Variants in CADPS observed in about 807,000 individuals in gnomAD.
CADPS encodes the protein calcium-dependent secretion activator 1.
In CADPS, 57 loss-of-function variants were observed where a neutral mutation model predicts 167.3. The ratio of observed to expected loss-of-function variants is 0.34; its 90% CI spans 0.28 to 0.42. The LOEUF (loss-of-function observed/expected upper bound fraction) is 0.42. Among genes scored for constraint, CADPS ranks in the 20% least tolerant of loss-of-function variants. The probability of loss-of-function intolerance (pLI) is 1.00; values close to 1 mark genes in which losing one functional copy is unlikely to be tolerated. For missense variants in CADPS, 1,414 were observed against 1,738.1 expected, an observed-to-expected ratio of 0.81 and a Z score of 3.32; for synonymous variants, 676 against 635.3, an observed-to-expected ratio of 1.06 and a Z score of -0.96.
In CADPS at chr3:62,650,849, C is replaced by A; in HGVS notation, c.1201G>T (p.Glu401Ter). ...TTCAAGGGCTCAGGGCTTTTTACCT[C>A]CAATGAGAAAGACAGCACGACATCT... is the stretch of plus-strand genomic sequence containing the variant. The part of the protein sequence containing the change: ...KSDVVLSFSL[E>*]VVIMEVQGLK... Residue 401 changes from glutamate to a stop codon, truncating the protein, a stop_gained and splice_region_variant, in exon 5 of 30, where the codon GAG becomes TAG. Transcript: ENST00000383710. LOFTEE classifies it high-confidence loss of function. The A allele has an allele frequency of 6.2e-7, 1 of 1,613,266 alleles. No homozygotes were observed. The highest frequency in any genetic ancestry group is 8.5e-7 in the Non-Finnish European group (1 of 1,179,404).
At chr3:62,474,722 G>T (rs2061052770) in intron 23 of CADPS, among the ~76,000 whole-genome samples, 2 of 152,116 alleles carry the variant, frequency 1.3e-5, no homozygotes, top group South Asian at 4.1e-4. Context: ...AAAAACCAAA[G>T]CAGTTTTTAA....
intron 1 of CADPS, among the ~76,000 whole-genome samples, chr3:62,805,134 C>A (rs1559706105): frequency 6.6e-6 from 1 of 152,070 alleles, no homozygotes; most frequent in Non-Finnish European, 1.5e-5. Flanking sequence ...CTATAGCACT[C>A]CCCAGTTGTT....
chr3:62,489,974 G>A (rs1340769804), intron 21 of CADPS, among the ~76,000 whole-genome samples: 3 of 152,136 alleles, frequency 2.0e-5, no homozygotes, highest in Non-Finnish European at 2.9e-5. Context: ...AAATTTCTTG[G>A]TATTTGCAAA....
At chr3:62,620,802 C>T (rs1858384) in intron 6 of CADPS, among the ~76,000 whole-genome samples, 3,387 of 152,272 alleles carry the variant, frequency 0.022, 134 homozygotes, top group African/African-American at 0.078. Context: ...CCTCCACCAC[C>T]TGTGACAGCC....
At chr3:62,568,812 A>G (rs2080771756) in intron 9 of CADPS, among the ~76,000 whole-genome samples, 1 of 152,224 alleles carries the variant, frequency 6.6e-6, no homozygotes, top group Non-Finnish European at 1.5e-5. Context: ...CCTGTTCTTA[A>G]CATGGATGGG....
At chr3:62,581,907 G>T (rs149182753) in intron 8 of CADPS, among the ~76,000 whole-genome samples, 2,829 of 152,144 alleles carry the variant, frequency 0.019, 55 homozygotes, top group Non-Finnish European at 0.024. Context: ...AAATTAGAAA[G>T]GCATCTAGGA....
intron 13 of CADPS, among the ~76,000 whole-genome samples, chr3:62,523,211 A>G (rs1359952896): frequency 6.6e-6 from 1 of 152,068 alleles, no homozygotes; most frequent in African/African-American, 2.4e-5. Context: ...TCAAATTGAA[A>G]CTACCATAAC....
At chr3:62,841,843 A>G (rs993376115) in intron 1 of CADPS, among the ~76,000 whole-genome samples, 2 of 152,188 alleles carry the variant, frequency 1.3e-5, no homozygotes, top group Non-Finnish European at 1.5e-5. Context: ...AAATTTGTCA[A>G]TATATTATTT....
Position 62,412,793 on chromosome 3 carries a change from G to A in CADPS, c.3778-9608C>T, listed in dbSNP as rs774309637. ...TTCTAAAAGCAAATCAAGCAGGGGA[G>A]TTTAATCCAAAGCTTAGCTTATATG... On this transcript the variant is annotated intron_variant, in intron 28 of 29. Transcript: ENST00000383710. The surrounding 1 kb of genome is among the most constrained non-coding windows in gnomAD (Gnocchi z 4.1). Among the ~76,000 whole-genome samples the A allele has an allele frequency of 6.6e-6, 1 of 152,152 alleles. No individual in the cohort carries two copies. Among genetic ancestry groups the A allele is most frequent in the Non-Finnish European group, 1.5e-5 (1 of 68,014 alleles).
At chr3:62,408,178 T>G (rs534723210) in intron 28 of CADPS, among the ~76,000 whole-genome samples, 9 of 152,314 alleles carry the variant, frequency 5.9e-5, no homozygotes, top group Admixed American at 5.2e-4. Context: ...GAGAAATCCT[T>G]AAACATAAAA....
chr3:62,850,252 G>GT (rs1429400744), intron 1 of CADPS, among the ~76,000 whole-genome samples: 10 of 131,882 alleles, frequency 7.6e-5, no homozygotes, highest in Non-Finnish European at 1.5e-4. Flanking sequence ...TTTTTGAAGG[G>GT]TTTTTTGTGT....
chr3:62,572,803 T>C (rs1426518198), intron 8 of CADPS, among the ~76,000 whole-genome samples: 1 of 152,162 alleles, frequency 6.6e-6, no homozygotes, highest in Non-Finnish European at 1.5e-5. Context: ...GACATCAAAA[T>C]CCACAGACAC....
At chr3:62,589,506 G>T (rs1347923010) in intron 7 of CADPS, among the ~76,000 whole-genome samples, 1 of 152,212 alleles carries the variant, frequency 6.6e-6, no homozygotes, top group Non-Finnish European at 1.5e-5. Flanking sequence ...TTTTGTGTAG[G>T]GACAACACAG....
At chr3:62,832,933 A>C (rs1230001741) in intron 1 of CADPS, among the ~76,000 whole-genome samples, 2 of 152,188 alleles carry the variant, frequency 1.3e-5, no homozygotes, top group Non-Finnish European at 2.9e-5. Context: ...ACTCCTTTAG[A>C]AAACAACAAC....
chr3:62,570,826 C>T lies in CADPS; in HGVS notation c.1644+46G>A, dbSNP rs749383099. 2.4e-6 allele frequency: 3 copies of T among 1,268,142 alleles called. No individual in the cohort carries two copies. In the South Asian group the frequency reaches 3.6e-5, roughly 15 times the overall value. The allele number at this position is 1,268,142 out of a possible 1,614,324, so 78.6% of individuals were successfully genotyped here. A position where few individuals can be genotyped will look rare whatever the true frequency, so the allele number is the denominator to read the frequency against. On this transcript the variant is annotated intron_variant, in intron 9 of 29. Transcript: ENST00000383710. ...GTTAAAAAGCATTCATTCATTCTAG[C>T]AAATCTTTAATACTGATGTCTCTTA...
chr3:62,819,218 TCCC>T (rs1245937227), intron 1 of CADPS, among the ~76,000 whole-genome samples: 2 of 152,110 alleles, frequency 1.3e-5, no homozygotes, highest in Non-Finnish European at 2.9e-5. Context: ...TGAAAAAATG[TCCC>T]CAAGCATAGT....
chr3:62,664,972 A>G (rs146510821), intron 3 of CADPS, among the ~76,000 whole-genome samples: 242 of 152,300 alleles, frequency 1.6e-3, no homozygotes, highest in African/African-American at 5.5e-3. Context: ...GAATATCTTG[A>G]TATGTCAAGA....
intron 8 of CADPS, among the ~76,000 whole-genome samples, chr3:62,574,502 CT>C (rs1488683678): frequency 3.9e-5 from 6 of 152,146 alleles, no homozygotes; most frequent in African/African-American, 1.4e-4. Context: ...GTTTATCAAC[CT>C]TGTGCTGCTG....
Position 62,426,598 on chromosome 3 carries a change from T to C in CADPS, c.3777+11506A>G, listed in dbSNP as rs186538728. On this transcript the variant is annotated intron_variant, in intron 28 of 29. Transcript: ENST00000383710. ...CCTCCTAATTCAAAAAGCTACCTAC[T>C]GTTTTTATCCACTTTTTTTACAGAA... is the stretch of plus-strand genomic sequence containing the variant. Among the ~76,000 whole-genome samples, 4 of 152,350 alleles carry C rather than the reference T, an allele frequency of 2.6e-5. No homozygotes were observed. The East Asian group carries it at 7.7e-4, about 29-fold the overall frequency.
Sources: gnomAD v4.1 joint callset for allele counts (sites outside exome capture counted in the v4.1 genomes callset) on GRCh38, gnomAD v4.1.1 for gene constraint, Gnocchi (gnomAD v3.1) non-coding constraint, MANE v1.5 for transcripts, NCBI Gene and HGNC (gene_info 2026-07-23, HGNC 2026-07-21) for gene names.